COL11A1: variants seen among roughly 807,000 people sequenced by gnomAD.
The protein encoded by COL11A1 is collagen type XI alpha 1 chain.
In COL11A1, 74 loss-of-function variants were observed where a neutral mutation model predicts 265.2. The observed-to-expected ratio is 0.28, with a 90% CI of 0.23 to 0.34. The LOEUF is 0.34. Ranked by LOEUF, COL11A1 falls within the 10% of genes least tolerant of loss-of-function variation. The pLI is 1.00. For synonymous variants in COL11A1, 816 were observed against 727.6 expected (o/e 1.12, Z -1.96); for missense variants, 2,165 against 2,263.6 (o/e 0.96, Z 0.88).
At position 102,960,498 on chromosome 1, in the gene COL11A1, A is replaced by G. The variant is rs537513918; in HGVS notation, c.3168+1368T>C. ...ACTGGGTGTGTGTGTGGGGGGGGGAATTTTTACAAATACATGAAATGGAGG... is the reference window on the plus strand; with the variant it reads ...ACTGGGTGTGTGTGTGGGGGGGGGAGTTTTTACAAATACATGAAATGGAGG... On this transcript the variant is annotated intron_variant, in intron 41 of 66. Coordinates refer to ENST00000370096, the MANE Select transcript of COL11A1 (RefSeq NM_001854.4). Among the ~76,000 whole-genome samples the G allele has an allele frequency of 5.5e-4, 83 of 150,892 alleles. 1 individual carries two copies. In the East Asian group the frequency reaches 0.012, roughly 22 times the overall value.
At chr1:102,967,116 T>C (rs929906149) in intron 37 of COL11A1, among the ~76,000 whole-genome samples, 8 of 151,882 alleles carry the variant, frequency 5.3e-5, no homozygotes, top group African/African-American at 1.9e-4. Flanking sequence ...ACCTGTCTTA[T>C]TCAAACTATA....
chr1:103,030,249 A>T (rs1420373937), intron 5 of COL11A1, among the ~76,000 whole-genome samples: 1 of 152,066 alleles, frequency 6.6e-6, no homozygotes, highest in African/African-American at 2.4e-5. Flanking sequence ...TTTTTAAACA[A>T]AAACTAACAT....
intron 54 of COL11A1, among the ~76,000 whole-genome samples, chr1:102,904,924 A>G (rs1653729782): frequency 1.3e-5 from 2 of 152,096 alleles, no homozygotes; most frequent in African/African-American, 2.4e-5. Context: ...ACATGCACAC[A>G]TATGTTTATA....
In COL11A1 at chr1:102,890,513, TAAC is replaced by T. The variant is rs1444447948; in HGVS notation, c.4303-12_4303-10del. The T allele has an allele frequency of 2.5e-6, 4 of 1,583,236 alleles. No homozygotes were observed. The highest frequency in any genetic ancestry group is 1.7e-4 in the Middle Eastern group (1 of 5,914). ...GGTAAGCCAGGAGGTCCCTAAATAA[TAAC>T]AAAAAAAAAACCCCAAAACAAAAAC... On this transcript the variant is annotated splice_polypyrimidine_tract_variant and intron_variant, in intron 57 of 66. Transcript: ENST00000370096.
At chr1:103,071,321 A>T (rs181826096) in intron 4 of COL11A1, among the ~76,000 whole-genome samples, 76 of 152,114 alleles carry the variant, frequency 5.0e-4, no homozygotes, top group African/African-American at 1.7e-3. Flanking sequence ...TTTAATAAGG[A>T]AATTTTCCTG....
chr1:102,936,479 C>T (rs997563756), intron 44 of COL11A1, among the ~76,000 whole-genome samples: 1 of 151,930 alleles, frequency 6.6e-6, no homozygotes, highest in African/African-American at 2.4e-5. Context: ...ATAAAGGAAG[C>T]CTTGGATTTC....
intron 2 of COL11A1, among the ~76,000 whole-genome samples, chr1:103,079,739 T>C (rs1302322739): frequency 6.6e-6 from 1 of 151,988 alleles, no homozygotes; most frequent in African/African-American, 2.4e-5. Context: ...ATTTGAGAAA[T>C]GAGATGCCTT....
rs770675810 is a variant in COL11A1 at position 102,995,924 on chromosome 1, G to A, written c.2296-16C>T. On this transcript the variant is annotated splice_polypyrimidine_tract_variant and intron_variant, in intron 27 of 66. Transcript: ENST00000370096. ...CATCTGCTCCCTGTGGAATAAATTA[G>A]AAGTATTAAGTGAATATAACATTTC... is the stretch of plus-strand genomic sequence containing the variant. 6.2e-7 allele frequency: 1 copy of A among 1,612,232 alleles called. No homozygotes were observed. The highest frequency in any genetic ancestry group is 8.5e-7 in the Non-Finnish European group (1 of 1,178,944).
At position 103,038,209 on chromosome 1, in the gene COL11A1, T is replaced by C. The variant is rs1668526307; in HGVS notation, c.652-6965A>G. ...CAGGTGTAGTGGCTCACACCAGTAATACTAGCACTTCGGGAGGCTGAGGTG... is the reference window on the plus strand; with the variant it reads ...CAGGTGTAGTGGCTCACACCAGTAACACTAGCACTTCGGGAGGCTGAGGTG... On this transcript the variant is annotated intron_variant, in intron 4 of 66. Transcript: ENST00000370096. Among the ~76,000 whole-genome samples the C allele has an allele frequency of 2.0e-5, 3 of 152,130 alleles. No homozygotes were observed. The South Asian group carries it at 6.2e-4, about 31-fold the overall frequency.
At chr1:102,931,059 AT>A (rs1223528104) in intron 46 of COL11A1, among the ~76,000 whole-genome samples, 5 of 144,882 alleles carry the variant, frequency 3.5e-5, no homozygotes, top group African/African-American at 1.3e-4. Context: ...GGATTCATTA[AT>A]TTTTTGAAGG....
chr1:102,935,116 G>A lies in COL11A1; in HGVS notation c.3439-3C>T. Reference sequence around the variant, plus strand: ...AGACCTGGGGGACCGGGAGGGCCCTGCAGTGAGATAAAAATAAGTAATTTT... The same window carrying A: ...AGACCTGGGGGACCGGGAGGGCCCTACAGTGAGATAAAAATAAGTAATTTT... On this transcript the variant is annotated splice_polypyrimidine_tract_variant and splice_region_variant and intron_variant, in intron 44 of 66. Coordinates refer to ENST00000370096, the MANE Select transcript of COL11A1 (RefSeq NM_001854.4). The A allele has an allele frequency of 2.5e-6, 4 of 1,613,430 alleles. No individual in the cohort carries two copies. The highest frequency in any genetic ancestry group is 3.4e-6 in the Non-Finnish European group (4 of 1,179,558).
intron 26 of COL11A1, among the ~76,000 whole-genome samples, 165 bp from the exon 27 acceptor site, chr1:102,996,207 G>A (rs1437788115): frequency 6.6e-6 from 1 of 151,940 alleles, no homozygotes; most frequent in Non-Finnish European, 1.5e-5. Context: ...AAACAGATAT[G>A]ATGAGAAAAA....
intron 14 of COL11A1, among the ~76,000 whole-genome samples, chr1:103,009,285 G>A (rs1486511717): frequency 6.6e-6 from 1 of 152,030 alleles, no homozygotes; most frequent in Non-Finnish European, 1.5e-5. Flanking sequence ...ATGGCATCGG[G>A]TGCCTGTAAT....
intron 46 of COL11A1, among the ~76,000 whole-genome samples, chr1:102,928,942 G>T (rs1328688764): frequency 2.0e-5 from 1 of 50,698 alleles, no homozygotes; most frequent in African/African-American, 3.4e-5. Flanking sequence ...TGATGGGGTT[G>T]TTTTTTTCTT....
chr1:102,954,326 G>T (rs1410546730), intron 41 of COL11A1, among the ~76,000 whole-genome samples: 53 of 151,880 alleles, frequency 3.5e-4, no homozygotes, highest in Non-Finnish European at 5.9e-5. Flanking sequence ...CCCTCACACA[G>T]ATGAGAACAC....
At chr1:102,906,628 G>A (rs948396965) in intron 54 of COL11A1, among the ~76,000 whole-genome samples, 8 of 152,128 alleles carry the variant, frequency 5.3e-5, no homozygotes, top group Admixed American at 3.9e-4. Flanking sequence ...TCAAAGTCCT[G>A]GGCTTAAGCA....
intron 54 of COL11A1, among the ~76,000 whole-genome samples, chr1:102,904,182 G>T (rs1483634978): frequency 3.3e-5 from 5 of 152,018 alleles, no homozygotes; most frequent in African/African-American, 4.8e-5. Flanking sequence ...TCCAGTTTTA[G>T]CTTTCTACAT....
intron 1 of COL11A1, among the ~76,000 whole-genome samples, chr1:103,107,269 C>T (rs2102447942): frequency 6.6e-6 from 1 of 151,966 alleles, no homozygotes; most frequent in Non-Finnish European, 1.5e-5. Context: ...CCCACCCTAC[C>T]CACACCCCCT....
chr1:102,997,814 A>C (rs1487722039), intron 25 of COL11A1, among the ~76,000 whole-genome samples: 1 of 151,984 alleles, frequency 6.6e-6, no homozygotes, highest in Admixed American at 6.6e-5. Context: ...CTATATTTCT[A>C]GAAAAGAAAG....
Sources: allele counts gnomAD v4.1 joint callset (sites outside exome capture counted in the v4.1 genomes callset), GRCh38; gene constraint gnomAD v4.1.1; transcripts MANE v1.5; gene names NCBI Gene and HGNC (gene_info 2026-07-23, HGNC 2026-07-21).